Variants in NFASC observed in about 807,000 individuals in gnomAD.
NFASC encodes neurofascin homolog.
A neutral mutation model predicts 147.5 loss-of-function variants in NFASC; 43 were observed. That is an observed-to-expected ratio of 0.29 (90% confidence interval 0.23 to 0.38). The LOEUF (loss-of-function observed/expected upper bound fraction) is 0.38, where lower values mean the gene tolerates loss of function less well. Ranked by LOEUF, NFASC falls within the 10% of genes least tolerant of loss-of-function variation. The pLI, the probability that NFASC is intolerant of heterozygous loss-of-function variation, is 1.00. For missense variants in NFASC, 1,320 were observed against 1,689.0 expected, an observed-to-expected ratio of 0.78 and a Z score of 3.83; for synonymous variants, 622 against 665.5, an observed-to-expected ratio of 0.93 and a Z score of 1.01.
chr1:204,861,276 A>G (rs1008929123), intron 1 of NFASC, among the ~76,000 whole-genome samples: 7 of 151,364 alleles, frequency 4.6e-5, no homozygotes, highest in African/African-American at 1.7e-4. Flanking sequence ...TTTTGTAGAG[A>G]TGAGGTTTCT....
chr1:204,997,155 A>G lies in NFASC; in HGVS notation c.2783-15A>G, dbSNP rs2095862440. On this transcript the variant is annotated splice_polypyrimidine_tract_variant and intron_variant, in intron 24 of 29. Transcript: ENST00000339876. ...CAAACCAACCAGACTCGGCTGTTTT[A>G]CATTTCCCTCTCAGCTCCTCCCACA... 3.1e-6 allele frequency: 5 copies of G among 1,602,024 alleles called. No individual in the cohort carries two copies. The highest frequency in any genetic ancestry group is 4.3e-6 in the Non-Finnish European group (5 of 1,171,516).
At position 204,970,663 on chromosome 1, in the gene NFASC, G is replaced by A; in HGVS notation, c.1051G>A (p.Gly351Ser). The A allele has an allele frequency of 6.2e-7, 1 of 1,614,216 alleles. No homozygotes were observed. The highest frequency in any genetic ancestry group is 1.1e-5 in the South Asian group (1 of 91,082). The change falls in exon 11 of 30, where the codon GGC (glycine) becomes AGC (serine). Residue 351 changes from glycine (G) to serine (S), a missense_variant. By Grantham distance (56) the Gly-to-Ser change is moderately conservative. This residue lies in a region of NFASC where 981 missense variants were observed against 1,289.5 expected (regional missense o/e 0.76). Coordinates refer to ENST00000339876, the MANE Select transcript of NFASC (RefSeq NM_001005388.3). Reference protein sequence around the residue: ...DEPKNLILAPGEDGRLVCRAN... With the variant: ...DEPKNLILAPSEDGRLVCRAN... ...ACCCAAGAACCTTATTCTGGCTCCTGGCGAGGATGGGAGACTGGTGTGTCG... is the reference window on the plus strand; with the variant it reads ...ACCCAAGAACCTTATTCTGGCTCCTAGCGAGGATGGGAGACTGGTGTGTCG...
In NFASC at chr1:205,009,601, A is replaced by G. The variant is rs1410621301; in HGVS notation, c.3334A>G (p.Ile1112Val). The G allele has an allele frequency of 2.5e-6, 4 of 1,614,012 alleles. No homozygotes were observed. The highest frequency in any genetic ancestry group is 1.7e-5 in the Admixed American group (1 of 60,006). ...GGACATCGCCACCCAGGGCTGGTTC[A>G]TTGGGCTTATGTGCGCCATCGCCCT... ...QADIATQGWF[I>V]GLMCAIALLV... Residue 1112 changes from isoleucine (I) to valine (V), a missense_variant, in exon 28 of 30, where the codon ATT (isoleucine) becomes GTT (valine). Transcript: ENST00000339876.
rs772378679 is a variant in NFASC at position 204,968,340 on chromosome 1, G to A, written c.798G>A (p.Leu266=). The A allele has an allele frequency of 3.2e-5, 52 of 1,613,872 alleles. No individual in the cohort carries two copies. The highest frequency in any genetic ancestry group is 4.0e-5 in the African/African-American group (3 of 74,938). Residue 266 remains leucine, a synonymous_variant, in exon 9 of 30, where the codon CTG becomes CTA. Coordinates refer to ENST00000339876, the MANE Select transcript of NFASC (RefSeq NM_001005388.3). This position sits in a 1 kb window ranked among gnomAD's most constrained non-coding sequence, Gnocchi z 5.4. ...QMVLRGMDLL[L]ECIASGVPTP... is the part of the protein sequence containing the mutation. ...TGCTTCGTGGCATGGACCTCCTGCT[G>A]GAATGCATCGCCTCCGGGGTGTATG...
chr1:204,977,734 C>A lies in NFASC; in HGVS notation c.1876+9C>A, dbSNP rs762776327. Reference sequence around the variant, plus strand: ...GGCTGCCCTGCCCAAAGGTAATTCCCACTAATCACAGTCCCCTGCCAGTGC... The same window carrying A: ...GGCTGCCCTGCCCAAAGGTAATTCCAACTAATCACAGTCCCCTGCCAGTGC... On this transcript the variant is annotated intron_variant, in intron 17 of 29. Coordinates refer to ENST00000339876, the MANE Select transcript of NFASC (RefSeq NM_001005388.3). 2.5e-6 allele frequency: 4 copies of A among 1,607,404 alleles called. No homozygotes were observed. The African/African-American group carries it at 5.3e-5, about 21-fold the overall frequency.
At chr1:204,894,841 A>C (rs1387649312) in intron 1 of NFASC, among the ~76,000 whole-genome samples, 1 of 152,126 alleles carries the variant, frequency 6.6e-6, no homozygotes, top group Non-Finnish European at 1.5e-5. Context: ...TCTGCTGACT[A>C]TTCCCGATTT....
chr1:205,020,588 C>T lies in NFASC; in HGVS notation c.*4049C>T, dbSNP rs2096393995. 6.6e-6 allele frequency: 1 copy of T among 152,260 alleles called. No homozygotes were observed. The highest frequency in any genetic ancestry group is 1.5e-5 in the Non-Finnish European group (1 of 68,086). The allele number at this position is 152,260 out of a possible 1,614,324, so 9.4% of individuals were successfully genotyped here. The stretch of plus-strand genomic sequence containing the variant: ...GAGCTGAAGGAGTGGGAAACTTTGC[C>T]CAAGCAATGGCACGGGCAGCGGGCT... On this transcript the variant is annotated 3_prime_UTR_variant, in exon 30 of 30. Transcript: ENST00000339876.
intron 1 of NFASC, among the ~76,000 whole-genome samples, chr1:204,848,812 C>T (rs1054800182): frequency 1.1e-4 from 17 of 152,250 alleles, no homozygotes; most frequent in African/African-American, 3.4e-4. Context: ...TTCCCGGTTA[C>T]AACCCAGCTT....
intron 1 of NFASC, among the ~76,000 whole-genome samples, chr1:204,896,692 G>T (rs2149117550): frequency 6.6e-6 from 1 of 152,298 alleles, no homozygotes; most frequent in South Asian, 2.1e-4. Flanking sequence ...GGAACTATTT[G>T]TGGCAGCAAA....
Position 205,017,892 on chromosome 1 carries a change from T to G in NFASC, c.*1353T>G, listed in dbSNP as rs2096374253. The G allele has an allele frequency of 6.5e-6, 1 of 152,812 alleles. No individual in the cohort carries two copies. The highest frequency in any genetic ancestry group is 2.1e-4 in the South Asian group (1 of 4,830). The allele number at this position is 152,812 out of a possible 1,614,324, so 9.5% of individuals were successfully genotyped here. A position where few individuals can be genotyped will look rare whatever the true frequency, so the allele number is the denominator to read the frequency against. On this transcript the variant is annotated 3_prime_UTR_variant, in exon 30 of 30. Coordinates refer to ENST00000339876, the MANE Select transcript of NFASC (RefSeq NM_001005388.3). ...GTATGCCTTATGCAGCGCTGATCTG[T>G]CCCTGGAGTTCCCAGGTTCCCAGCT...
At chr1:204,966,855 A>G (rs2094974369) in intron 8 of NFASC, among the ~76,000 whole-genome samples, 2 of 152,136 alleles carry the variant, frequency 1.3e-5, no homozygotes, top group Non-Finnish European at 2.9e-5. Context: ...CTTTTGACAA[A>G]AAGATAAAAT....
intron 1 of NFASC, among the ~76,000 whole-genome samples, chr1:204,854,574 C>G (rs1189436498): frequency 6.6e-6 from 1 of 152,172 alleles, no homozygotes; most frequent in African/African-American, 2.4e-5. Flanking sequence ...ACTTTGCCAT[C>G]CTTGTGGGAA....
intron 1 of NFASC, among the ~76,000 whole-genome samples, chr1:204,854,884 G>C (rs1329111476): frequency 6.6e-6 from 1 of 152,272 alleles, no homozygotes; most frequent in Non-Finnish European, 1.5e-5. Flanking sequence ...CATCAGAGAA[G>C]CTGAGATACT....
intron 1 of NFASC, among the ~76,000 whole-genome samples, chr1:204,909,794 G>C (rs1175731308): frequency 6.6e-6 from 1 of 151,074 alleles, no homozygotes; most frequent in Non-Finnish European, 1.5e-5. Flanking sequence ...CTTTCTTTTT[G>C]CCTAAGGATA....
At chr1:204,886,263 A>T (rs1218010633) in intron 1 of NFASC, among the ~76,000 whole-genome samples, 1 of 152,262 alleles carries the variant, frequency 6.6e-6, no homozygotes, top group Non-Finnish European at 1.5e-5. Flanking sequence ...AGGCTATTAT[A>T]ACTTTTAAGG....
chr1:204,977,781 T>A, intron 17 of NFASC, 56 bp downstream of exon 17: 1 of 1,540,150 alleles, frequency 6.5e-7, no homozygotes, highest in Non-Finnish European at 8.9e-7. Flanking sequence ...ACCCAGGGTG[T>A]GGAGTCTGGG....
chr1:204,963,835 C>G (rs1181562748), intron 8 of NFASC, among the ~76,000 whole-genome samples: 2 of 152,210 alleles, frequency 1.3e-5, no homozygotes, highest in Non-Finnish European at 2.9e-5. Context: ...GGAGTGCAGG[C>G]ATCTGGACAG....
chr1:204,851,453 C>T (rs2102680967), intron 1 of NFASC, among the ~76,000 whole-genome samples: 1 of 152,026 alleles, frequency 6.6e-6, no homozygotes, highest in East Asian at 1.9e-4. Flanking sequence ...ATGCCTCAGC[C>T]TCTGGAGTAG....
chr1:204,924,399 G>T (rs1328897773), intron 2 of NFASC, among the ~76,000 whole-genome samples: 1 of 152,156 alleles, frequency 6.6e-6, no homozygotes, highest in Non-Finnish European at 1.5e-5. Context: ...AATGCAACCG[G>T]GGATGTGCTG....
Sources: gnomAD v4.1 joint callset for allele counts (sites outside exome capture counted in the v4.1 genomes callset) on GRCh38, gnomAD v4.1.1 for gene constraint, gnomAD v4.1.1 regional missense constraint, Gnocchi (gnomAD v3.1) non-coding constraint, MANE v1.5 for transcripts, NCBI Gene and HGNC (gene_info 2026-07-23, HGNC 2026-07-21) for gene names.